The following CTTNBP2 variants were observed in gnomAD, a reference collection of about 807,000 sequenced individuals.
CTTNBP2 encodes the protein cortactin-binding protein 2.
In CTTNBP2, 108 loss-of-function variants were observed where a neutral mutation model predicts 156.9. The ratio of observed to expected loss-of-function variants is 0.69; its 90% confidence interval spans 0.59 to 0.81. The LOEUF is 0.81. Ranked by LOEUF, CTTNBP2 falls within the 30% of genes least tolerant of loss-of-function variation. CTTNBP2 has a pLI of 0.00. For synonymous variants in CTTNBP2, 767 were observed against 751.8 expected, an observed-to-expected ratio of 1.02 and a Z score of -0.33; for missense variants, 1,924 against 2,035.4, an observed-to-expected ratio of 0.95 and a Z score of 1.05.
intron 2 of CTTNBP2, among the ~76,000 whole-genome samples, chr7:117,840,837 TG>T (rs1341553117): frequency 1.3e-5 from 2 of 152,158 alleles, no homozygotes; most frequent in African/African-American, 4.8e-5. Flanking sequence ...GCATGGACTC[TG>T]AAGGAAGAAT....
chr7:117,862,518 T>C (rs2117255819), intron 1 of CTTNBP2, among the ~76,000 whole-genome samples: 1 of 152,320 alleles, frequency 6.6e-6, no homozygotes, highest in East Asian at 1.9e-4. Context: ...TTCTCTGGCA[T>C]TCGTTTTAGA....
At chr7:117,760,761 A>T (rs769985470) in intron 9 of CTTNBP2, 51 bp from the exon 10 acceptor site, 4 of 1,304,900 alleles carry the variant, frequency 3.1e-6, no homozygotes, top group Non-Finnish European at 2.1e-6. Context: ...GACAGAAAAA[A>T]AAAGTAAAAC....
intron 2 of CTTNBP2, among the ~76,000 whole-genome samples, chr7:117,846,140 C>T (rs567410761): frequency 3.9e-4 from 60 of 152,136 alleles, no homozygotes; most frequent in African/African-American, 1.3e-3. Context: ...CGTGAGCCAC[C>T]GCGCCCGGTC....
At chr7:117,781,098 AAAGAC>A (rs1563000265) in intron 6 of CTTNBP2, among the ~76,000 whole-genome samples, 1 of 152,228 alleles carries the variant, frequency 6.6e-6, no homozygotes, top group Admixed American at 6.5e-5. Flanking sequence ...CTTGGGGAGA[AAAGAC>A]AGCAGAGGTT....
intron 12 of CTTNBP2, 91 bp downstream of exon 12, chr7:117,756,464 G>T: frequency 3.2e-6 from 3 of 946,558 alleles, no homozygotes; most frequent in African/African-American, 1.6e-5. Flanking sequence ...GGGGGGGCTT[G>T]CACTCCTCCT....
At chr7:117,819,608 C>T (rs1325644336) in intron 2 of CTTNBP2, among the ~76,000 whole-genome samples, 4 of 152,066 alleles carry the variant, frequency 2.6e-5, no homozygotes, top group Non-Finnish European at 5.9e-5. Flanking sequence ...GTGTCTGCAT[C>T]TCAGACACTG....
rs138138294 is a variant in CTTNBP2 at position 117,765,216 on chromosome 7, G to A, written c.2896+1843C>T. ...CTCCCAAAGTGCTGGGATTACAGAC[G>A]TGAGCCACCACACCTGGCCCCACTT... is the stretch of plus-strand genomic sequence containing the variant. On this transcript the variant is annotated intron_variant, in intron 9 of 22. Transcript: ENST00000160373. Among the ~76,000 whole-genome samples, 753 of 152,216 alleles carry A rather than the reference G, an allele frequency of 4.9e-3. 7 individuals carry two copies. The highest frequency in any genetic ancestry group is 0.017 in the African/African-American group (697 of 41,542).
intron 2 of CTTNBP2, among the ~76,000 whole-genome samples, chr7:117,815,521 A>G (rs1168572178): frequency 2.0e-5 from 3 of 152,192 alleles, no homozygotes; most frequent in East Asian, 3.8e-4. Context: ...AATAGAAAAT[A>G]TAGTAGATCC....
chr7:117,794,837 G>T (rs554859098), intron 3 of CTTNBP2, among the ~76,000 whole-genome samples: 2 of 151,274 alleles, frequency 1.3e-5, no homozygotes, highest in South Asian at 4.2e-4. Context: ...GTAAGACTGG[G>T]GAACAATAGT....
intron 16 of CTTNBP2, among the ~76,000 whole-genome samples, chr7:117,731,079 T>C (rs1367724880): frequency 6.6e-6 from 1 of 152,210 alleles, no homozygotes; most frequent in African/African-American, 2.4e-5. Context: ...TAAGAGATCA[T>C]TTGAGCCACA....
In CTTNBP2 at chr7:117,725,389, A is replaced by G. The variant is rs374275236; in HGVS notation, c.4056-132T>C. 2.5e-4 allele frequency: 197 copies of G among 790,350 alleles called. 4 individuals are homozygous for G. The African/African-American group carries it at 3.1e-3, about 12-fold the overall frequency. 49.0% of individuals were successfully genotyped at this position (790,350 alleles called of 1,614,324 possible). ...TTTCTATAGATATGCTACCTTTCCC[A>G]GGTAGTTTTCAAAGAAGTGAAATTA... On this transcript the variant is annotated intron_variant, in intron 17 of 22. Coordinates refer to ENST00000160373, the MANE Select transcript of CTTNBP2 (RefSeq NM_033427.3).
chr7:117,831,304 C>T (rs1801598275), intron 2 of CTTNBP2, among the ~76,000 whole-genome samples: 1 of 152,130 alleles, frequency 6.6e-6, no homozygotes, highest in Admixed American at 6.5e-5. Flanking sequence ...GCATTTCCCC[C>T]AACTTATCTC....
intron 2 of CTTNBP2, among the ~76,000 whole-genome samples, chr7:117,812,519 C>A (rs946242905): frequency 6.6e-6 from 1 of 151,784 alleles, no homozygotes; most frequent in Non-Finnish European, 1.5e-5. Flanking sequence ...CATTTCTTTC[C>A]TTATCATCAA....
At chr7:117,857,189 T>C (rs1034275520) in intron 2 of CTTNBP2, among the ~76,000 whole-genome samples, 3 of 152,228 alleles carry the variant, frequency 2.0e-5, no homozygotes, top group Admixed American at 1.3e-4. Flanking sequence ...GGAGGAATTG[T>C]TGACAAACTA....
Position 117,760,658 on chromosome 7 carries a change from G to C in CTTNBP2, c.2949C>G (p.Asn983Lys). Reference protein sequence around the residue: ...RISVGEIEPSNYGSDDLECEN... With the variant: ...RISVGEIEPSKYGSDDLECEN... The stretch of plus-strand genomic sequence containing the variant: ...CACATTCCAAGTCATCAGAACCATA[G>C]TTGCTTGGTTCAATCTCACCCACTG... The change falls in exon 10 of 23, where the codon AAC becomes AAG. Residue 983 changes from asparagine (N) to lysine (K), a missense_variant. By Grantham distance (94) the Asn-to-Lys change is moderately conservative (BLOSUM62 0). Coordinates refer to ENST00000160373, the MANE Select transcript of CTTNBP2 (RefSeq NM_033427.3). 6.2e-7 allele frequency: 1 copy of C among 1,612,340 alleles called. No individual in the cohort carries two copies. The highest frequency in any genetic ancestry group is 1.7e-5 in the Admixed American group (1 of 60,000).
chr7:117,712,977 G>A (rs1562941927), intron 22 of CTTNBP2, among the ~76,000 whole-genome samples: 2 of 152,294 alleles, frequency 1.3e-5, no homozygotes, highest in South Asian at 4.2e-4. Context: ...CGTGAGCGGG[G>A]GCGAGCCAGT....
At chr7:117,821,755 AT>A (rs1175965379) in intron 2 of CTTNBP2, among the ~76,000 whole-genome samples, 4 of 151,886 alleles carry the variant, frequency 2.6e-5, no homozygotes, top group African/African-American at 9.7e-5. Flanking sequence ...GGCCCAGCTA[AT>A]TTTTTGTGTG....
intron 2 of CTTNBP2, among the ~76,000 whole-genome samples, chr7:117,854,774 TAA>T (rs1491406240): frequency 1.3e-4 from 19 of 151,186 alleles, no homozygotes; most frequent in East Asian, 3.9e-4. Flanking sequence ...ATGATTTAAT[TAA>T]TTAATTAATT....
At chr7:117,787,893 TA>T (rs1449787708) in intron 4 of CTTNBP2, among the ~76,000 whole-genome samples, 3 of 152,172 alleles carry the variant, frequency 2.0e-5, no homozygotes, top group South Asian at 4.1e-4. Context: ...CATGGGCCAG[TA>T]GTTCTCCAAG....
Sources: allele counts gnomAD v4.1 joint callset (sites outside exome capture counted in the v4.1 genomes callset), GRCh38; gene constraint gnomAD v4.1.1; transcripts MANE v1.5; gene names NCBI Gene and HGNC (gene_info 2026-07-23, HGNC 2026-07-21).